Variants in XPNPEP3 observed in about 807,000 individuals in gnomAD.
XPNPEP3 encodes the protein xaa-Pro aminopeptidase 3.
A neutral mutation model predicts 60.0 loss-of-function variants in XPNPEP3; 41 were observed. The ratio of observed to expected loss-of-function variants is 0.68; its 90% CI spans 0.53 to 0.89. The LOEUF (loss-of-function observed/expected upper bound fraction) is 0.89. XPNPEP3 is among the 40% of genes least tolerant of loss of function. The pLI, the probability that XPNPEP3 is intolerant of heterozygous loss-of-function variation, is 0.00. For missense variants in XPNPEP3, 598 were observed against 638.9 expected, an observed-to-expected ratio of 0.94 and a Z score of 0.69; for synonymous variants, 212 against 223.2, an observed-to-expected ratio of 0.95 and a Z score of 0.45.
At chr22:40,903,817 C>G (rs1168909028) in intron 4 of XPNPEP3, among the ~76,000 whole-genome samples, 1 of 150,630 alleles carries the variant, frequency 6.6e-6, no homozygotes, top group Admixed American at 6.7e-5. Flanking sequence ...AATAAGGAAG[C>G]TAAGAAAAGA....
Position 40,886,535 on chromosome 22 carries a change from G to T in XPNPEP3, c.792+20G>T, listed in dbSNP as rs2058069491. On this transcript the variant is annotated intron_variant, in intron 4 of 9. Transcript: ENST00000357137. Reference sequence around the variant, plus strand: ...TCACAGGTATGATTCCTATTGAAAAGTTTTTTCCAGCCGGGCGCGGTGGCT... The same window carrying T: ...TCACAGGTATGATTCCTATTGAAAATTTTTTTCCAGCCGGGCGCGGTGGCT... The T allele has an allele frequency of 1.9e-6, 3 of 1,611,396 alleles. No homozygotes were observed. Among genetic ancestry groups the T allele is most frequent in the African/African-American group, 2.7e-5 (2 of 74,886 alleles).
intron 4 of XPNPEP3, among the ~76,000 whole-genome samples, chr22:40,901,656 G>A (rs2058133684): frequency 2.0e-5 from 3 of 152,084 alleles, no homozygotes; most frequent in South Asian, 2.1e-4. Flanking sequence ...TGTATTTTTT[G>A]TGAAGACTGG....
chr22:40,872,346 A>G (rs2058009374), intron 2 of XPNPEP3, among the ~76,000 whole-genome samples: 1 of 152,162 alleles, frequency 6.6e-6, no homozygotes, highest in Non-Finnish European at 1.5e-5. Flanking sequence ...GTAGAGATGG[A>G]AAATGTTGGT....
At chr22:40,923,905 C>T (rs553097235) in intron 8 of XPNPEP3, among the ~76,000 whole-genome samples, 2 of 152,190 alleles carry the variant, frequency 1.3e-5, no homozygotes, top group East Asian at 3.9e-4. Context: ...TGTGCCTTCT[C>T]CACAAGTTGC....
At chr22:40,893,794 TTA>T (rs1311056154) in intron 4 of XPNPEP3, among the ~76,000 whole-genome samples, 1 of 152,064 alleles carries the variant, frequency 6.6e-6, no homozygotes, top group African/African-American at 2.4e-5. Context: ...TTTTGTATTT[TTA>T]GTAGAGACGA....
chr22:40,926,462 AG>A lies in XPNPEP3; in HGVS notation c.*29del. On this transcript the variant is annotated 3_prime_UTR_variant, in exon 10 of 10. Coordinates refer to ENST00000357137, the MANE Select transcript of XPNPEP3 (RefSeq NM_022098.4). ...CTTCACTGCGGCCCACATGCACCTC[AG>A]GTTCAAAATGGGTGTCTTCTGGCAG... is the stretch of plus-strand genomic sequence containing the variant. The A allele has an allele frequency of 6.2e-7, 1 of 1,613,506 alleles. No homozygotes were observed. Among genetic ancestry groups the A allele is most frequent in the Non-Finnish European group, 8.5e-7 (1 of 1,179,710 alleles).
intron 2 of XPNPEP3, among the ~76,000 whole-genome samples, chr22:40,876,139 T>C (rs138354): frequency 0.61 from 93,039 of 152,092 alleles, 30,337 homozygotes; most frequent in African/African-American, 0.83. Flanking sequence ...AGACAAGAAT[T>C]AGGAGCTACC....
In XPNPEP3 at chr22:40,882,067, G is replaced by A. The variant is rs778993515; in HGVS notation, c.479G>A (p.Arg160Gln). Residue 160 changes from arginine to glutamine, a missense_variant, in exon 3 of 10, where the codon CGA (arginine) becomes CAA (glutamine). Physicochemically the swap from Arg to Gln is conservative, Grantham distance 43. Coordinates refer to ENST00000357137, the MANE Select transcript of XPNPEP3 (RefSeq NM_022098.4). Reference protein sequence around the residue: ...ILFVPRRDPSRELWDGPRSGT... With the variant: ...ILFVPRRDPSQELWDGPRSGT... ...TTTGTGCCTCGGCGAGATCCCAGTC[G>A]AGAACTTTGGGATGGTCCGCGATCT... 2.5e-6 allele frequency: 4 copies of A among 1,614,092 alleles called. No individual in the cohort carries two copies. The highest frequency in any genetic ancestry group is 2.2e-5 in the East Asian group (1 of 44,888).
At chr22:40,904,816 G>A (rs749399357) in intron 4 of XPNPEP3, among the ~76,000 whole-genome samples, 2 of 152,134 alleles carry the variant, frequency 1.3e-5, no homozygotes, top group Non-Finnish European at 2.9e-5. Flanking sequence ...CCAGGCTGGA[G>A]TGCAGTGGCA....
rs2146254059 is a variant in XPNPEP3 at position 40,886,237 on chromosome 22, A to C, written c.590-76A>C. The C allele has an allele frequency of 2.0e-6, 3 of 1,465,626 alleles. No individual in the cohort carries two copies. In the South Asian group the frequency reaches 3.4e-5, roughly 17 times the overall value. 90.8% of individuals were successfully genotyped at this position (1,465,626 alleles called of 1,614,324 possible). ...GGTTTTATAGTTTTGACTCTTGTTCAAGTCGTTATGACAGTTGATATTTCT... is the reference window on the plus strand; with the variant it reads ...GGTTTTATAGTTTTGACTCTTGTTCCAGTCGTTATGACAGTTGATATTTCT... On this transcript the variant is annotated intron_variant, in intron 3 of 9. Transcript: ENST00000357137.
At chr22:40,922,065 G>C (rs2058218607) in intron 7 of XPNPEP3, among the ~76,000 whole-genome samples, 1 of 151,942 alleles carries the variant, frequency 6.6e-6, no homozygotes, top group Admixed American at 6.6e-5. Context: ...TCATGGCTCA[G>C]TGCTTCTTTT....
intron 4 of XPNPEP3, among the ~76,000 whole-genome samples, chr22:40,899,244 T>G (rs897656883): frequency 6.6e-6 from 1 of 152,166 alleles, no homozygotes; most frequent in Non-Finnish European, 1.5e-5. Context: ...TAGCCCAGTT[T>G]CTTTGGGTTA....
Position 40,904,423 on chromosome 22 carries a change from A to G in XPNPEP3, c.793-3164A>G, listed in dbSNP as rs192937507. Among the ~76,000 whole-genome samples the G allele has an allele frequency of 9.3e-4, 142 of 152,318 alleles. 1 individual carries two copies. The highest frequency in any genetic ancestry group is 1.2e-3 in the East Asian group (6 of 5,178). On this transcript the variant is annotated intron_variant, in intron 4 of 9. Coordinates refer to ENST00000357137, the MANE Select transcript of XPNPEP3 (RefSeq NM_022098.4). ...CACAATGGTGTGCACCTACAGTCCC[A>G]GCTACTCAGGAGGCTGAAGCAGAAG...
At chr22:40,873,136 C>T (rs1292051491) in intron 2 of XPNPEP3, among the ~76,000 whole-genome samples, 15 of 120,110 alleles carry the variant, frequency 1.2e-4, no homozygotes, top group Admixed American at 2.2e-4. Flanking sequence ...GACAGAGTCT[C>T]GCTCTGTCGC....
chr22:40,926,721 G>T lies in XPNPEP3; in HGVS notation c.*286G>T. 1 of 445,014 alleles carries T rather than the reference G, an allele frequency of 2.2e-6. No individual in the cohort carries two copies. The highest frequency in any genetic ancestry group is 2.2e-5 in the South Asian group (1 of 46,358). The allele number at this position is 445,014 out of a possible 1,614,324, so 27.6% of individuals were successfully genotyped here. ...TTTAATTTTTAAACATAAAGGTCTT[G>T]GTTACACATGTCCATGCATTCCAGT... On this transcript the variant is annotated 3_prime_UTR_variant, in exon 10 of 10. Coordinates refer to ENST00000357137, the MANE Select transcript of XPNPEP3 (RefSeq NM_022098.4).
chr22:40,862,143 G>A (rs1482106129), intron 1 of XPNPEP3: 10 of 1,450,758 alleles, frequency 6.9e-6, no homozygotes, highest in Non-Finnish European at 9.1e-6. Context: ...TGTGCTAAGA[G>A]ATGAGGATAC....
intron 1 of XPNPEP3, chr22:40,860,890 C>G (rs897345894): frequency 7.3e-6 from 5 of 688,036 alleles, no homozygotes; most frequent in Non-Finnish European, 1.2e-5. Flanking sequence ...CAACTGTCAC[C>G]ACAAACTCAT....
At chr22:40,879,326 T>A (rs983022085) in intron 2 of XPNPEP3, among the ~76,000 whole-genome samples, 14 of 152,206 alleles carry the variant, frequency 9.2e-5, no homozygotes, top group African/African-American at 3.4e-4. Context: ...CTATTGTAGA[T>A]GTCCGAAAAG....
chr22:40,899,557 C>T (rs2058123116), intron 4 of XPNPEP3, among the ~76,000 whole-genome samples: 1 of 152,064 alleles, frequency 6.6e-6, no homozygotes. Flanking sequence ...CACAGTGGCT[C>T]ACACCTGTAA....
Sources: gnomAD v4.1 joint callset for allele counts (sites outside exome capture counted in the v4.1 genomes callset) on GRCh38, gnomAD v4.1.1 for gene constraint, MANE v1.5 for transcripts, NCBI Gene and HGNC (gene_info 2026-07-23, HGNC 2026-07-21) for gene names.